Variants in NOTCH1 observed in about 807,000 individuals in gnomAD.
NOTCH1 encodes the protein neurogenic locus notch homolog protein 1.
A neutral mutation model predicts 254.8 loss-of-function variants in NOTCH1; 37 were observed. That is an observed-to-expected ratio of 0.15 (90% CI 0.11 to 0.19). The LOEUF is 0.19. Among genes scored for constraint, NOTCH1 ranks in the 10% least tolerant of loss-of-function variants. The pLI is 1.00. For synonymous variants in NOTCH1, 1,731 were observed against 1,618.1 expected, an observed-to-expected ratio of 1.07 and a Z score of -1.68; for missense variants, 2,972 against 3,708.6, an observed-to-expected ratio of 0.80 and a Z score of 5.16.
rs375091696 is a variant in NOTCH1 at position 136,505,035 on chromosome 9, C to T, written c.4656G>A (p.Ala1552=). The T allele has an allele frequency of 4.8e-5, 78 of 1,609,618 alleles. No homozygotes were observed. The East Asian group carries it at 4.9e-4, about 10-fold the overall frequency. ...DGHCDQGCNS[A]ECEWDGLDCA... ...AGTCCAGCCCGTCCCACTCGCACTCCGCGCTGTTGCAGCCCTGGTCGCAGT... is the reference window on the plus strand; with the variant it reads ...AGTCCAGCCCGTCCCACTCGCACTCTGCGCTGTTGCAGCCCTGGTCGCAGT... The change falls in exon 26 of 34, where the codon GCG becomes GCA. Residue 1552 remains alanine, a synonymous_variant. Coordinates refer to ENST00000651671, the MANE Select transcript of NOTCH1 (RefSeq NM_017617.5).
rs2133317690 is a variant in NOTCH1, at chr9:136,497,099, C to T, written c.6640G>A (p.Ala2214Thr). 1 of 1,610,394 alleles carries T rather than the reference C, an allele frequency of 6.2e-7. No homozygotes were observed. The stretch of plus-strand genomic sequence containing the variant: ...GGGGAGGGCAGCAGTGGCGGCGAGG[C>T]CACGTCTGACAGGTAGCCATGGGGT... ...ESPHGYLSDV[A>T]SPPLLPSPFQ... is the part of the protein sequence containing the mutation. The change falls in exon 34 of 34, where the codon GCC (alanine) becomes ACC (threonine). Residue 2214 changes from alanine to threonine, a missense_variant. By Grantham distance (58) the Ala-to-Thr change is moderately conservative (BLOSUM62 0). Around this residue, in one of 8 missense-constraint regions of NOTCH1, gnomAD observed 529 missense variants for 529.2 expected, o/e 1.00. Transcript: ENST00000651671.
intron 10 of NOTCH1, 111 bp downstream of exon 10, chr9:136,515,870 C>G (rs1025012653): frequency 6.1e-6 from 7 of 1,151,992 alleles, no homozygotes; most frequent in Non-Finnish European, 8.8e-6. Flanking sequence ...GTGCTCTCGG[C>G]CTCTGGACCA....
rs2133379689 is a variant in NOTCH1, at chr9:136,523,927, T to C, written c.193A>G (p.Ser65Gly). 1 of 1,592,480 alleles carries C rather than the reference T, an allele frequency of 6.3e-7. No homozygotes were observed. Among genetic ancestry groups the C allele is most frequent in the Admixed American group, 1.8e-5 (1 of 56,610 alleles). The change falls in exon 3 of 34, where the codon AGC (serine) becomes GGC (glycine). Residue 65 changes from serine (S) to glycine (G), a missense_variant. Coordinates refer to ENST00000651671, the MANE Select transcript of NOTCH1 (RefSeq NM_017617.5). ...PRCQDPNPCL[S>G]TPCKNAGTCH... ...GTCCCGGCGTTCTTGCAGGGGGTGC[T>C]GAGGCACGGGTTGGGGTCCTGGCAT...
Position 136,497,330 on chromosome 9 carries a change from G to T in NOTCH1, c.6409C>A (p.Pro2137Thr). The stretch of plus-strand genomic sequence containing the variant: ...TAGCCGTTGGGCGAGCAGAGCGGGG[G>T]CGACAGGGTGGGCGTGCCCCCCAGC... ...APLGGTPTLS[P>T]PLCSPNGYLG... is the part of the protein sequence containing the mutation. The change falls in exon 34 of 34, where the codon CCC becomes ACC. Residue 2137 changes from proline (P) to threonine (T), a missense_variant. Transcript: ENST00000651671. The T allele has an allele frequency of 6.2e-7, 1 of 1,606,266 alleles. No homozygotes were observed.
At position 136,506,495 on chromosome 9, in the gene NOTCH1, G is replaced by A. The variant is rs373164044; in HGVS notation, c.4014+32C>T. The stretch of plus-strand genomic sequence containing the variant: ...GACCTCTCCAGGTGTCTCCCCTGGC[G>A]GGCCCCTGCCTCCCTGCACCCCTGC... On this transcript the variant is annotated intron_variant, in intron 24 of 33. Transcript: ENST00000651671. The surrounding 1 kb of genome is among the most constrained non-coding windows in gnomAD (Gnocchi z 4.5). The A allele has an allele frequency of 1.8e-5, 28 of 1,546,774 alleles. No individual in the cohort carries two copies. The highest frequency in any genetic ancestry group is 2.4e-5 in the South Asian group (2 of 84,300).
At position 136,504,849 on chromosome 9, in the gene NOTCH1, C is replaced by A. The variant is rs1454349143; in HGVS notation, c.4842G>T (p.Gln1614His). Residue 1614 changes from glutamine to histidine, a missense_variant, in exon 26 of 34, where the codon CAG (glutamine) becomes CAT (histidine). Physicochemically the swap from Gln to His is conservative, Grantham distance 24. Around this residue, in one of 8 missense-constraint regions of NOTCH1, gnomAD observed 1,343 missense variants for 1,557.0 expected, o/e 0.86. Coordinates refer to ENST00000651671, the MANE Select transcript of NOTCH1 (RefSeq NM_017617.5). ...VVFKRDAHGQ[Q>H]MIFPYYGREE... ...CGCGGCCGTAGTAGGGGAAGATCAT[C>A]TGCTGGCCGTGTGCGTCACGCTTGA... 6.3e-7 allele frequency: 1 copy of A among 1,581,008 alleles called. No individual in the cohort carries two copies. The highest frequency in any genetic ancestry group is 1.8e-5 in the Admixed American group (1 of 54,792).
At position 136,513,635 on chromosome 9, in the gene NOTCH1, G is replaced by T; in HGVS notation, c.2208-98C>A. 1.4e-6 allele frequency: 2 copies of T among 1,391,458 alleles called. No individual in the cohort carries two copies. The highest frequency in any genetic ancestry group is 2.0e-6 in the Non-Finnish European group (2 of 1,002,284). The allele number at this position is 1,391,458 out of a possible 1,614,324, so 86.2% of individuals were successfully genotyped here. A position where few individuals can be genotyped will look rare whatever the true frequency, so the allele number is the denominator to read the frequency against. ...TGCAATGCCCTATGGGCTGGCGGAG[G>T]TGCCCATCCACTCAGACTCGCAGAG... is the stretch of plus-strand genomic sequence containing the variant. On this transcript the variant is annotated intron_variant, in intron 13 of 33. Transcript: ENST00000651671. The surrounding 1 kb of genome is among the most constrained non-coding windows in gnomAD (Gnocchi z 4.7).
intron 29 of NOTCH1, 32 bp from the exon 30 acceptor site, chr9:136,501,945 G>T: frequency 6.2e-7 from 1 of 1,611,426 alleles, no homozygotes; most frequent in Admixed American, 1.7e-5. Flanking sequence ...AGCCTGTCAG[G>T]GCAGCCCGGC....
intron 2 of NOTCH1, among the ~76,000 whole-genome samples, chr9:136,526,443 C>A (rs887199248): frequency 3.3e-5 from 5 of 152,234 alleles, no homozygotes; most frequent in Admixed American, 6.5e-5. Context: ...CTGGCCCATG[C>A]AAGCTGGTCC....
rs992614355 is a variant in NOTCH1, at chr9:136,498,902, G to C, written c.6177C>G (p.Asn2059Lys). 4 of 1,613,604 alleles carry C rather than the reference G, an allele frequency of 2.5e-6. No individual in the cohort carries two copies. Among genetic ancestry groups the C allele is most frequent in the Non-Finnish European group, 1.7e-6 (2 of 1,179,970 alleles). Residue 2059 changes from asparagine (N) to lysine (K), a missense_variant, in exon 33 of 34, where the codon AAC becomes AAG. Asn to Lys is a moderately conservative substitution (Grantham distance 94). Around this residue, in one of 8 missense-constraint regions of NOTCH1, gnomAD observed 421 missense variants for 604.4 expected, o/e 0.70. Coordinates refer to ENST00000651671, the MANE Select transcript of NOTCH1 (RefSeq NM_017617.5). ...GGCATCCCAGCCTCGCGCTCACCCT[G>C]TTGTTCTGCATATCTTTGTTAGCCC... ...KNGANKDMQN[N>K]REETPLFLAA... is the part of the protein sequence containing the mutation.
chr9:136,532,703 A>G (rs1843581370), intron 2 of NOTCH1, among the ~76,000 whole-genome samples: 1 of 152,228 alleles, frequency 6.6e-6, no homozygotes, highest in Admixed American at 6.5e-5. Context: ...CCTGGGGGAC[A>G]CTTCATGGCC....
intron 19 of NOTCH1, 88 bp downstream of exon 19, chr9:136,508,781 TG>T: frequency 7.8e-7 from 1 of 1,274,466 alleles, no homozygotes. Flanking sequence ...GCCGACACAG[TG>T]GGACCTGGGG....
At chr9:136,512,289 G>A (rs572305800) in intron 15 of NOTCH1, among the ~76,000 whole-genome samples, 16 of 152,322 alleles carry the variant, frequency 1.1e-4, no homozygotes, top group African/African-American at 3.8e-4. Flanking sequence ...GATGTCATGG[G>A]AACCGCAGGC....
At position 136,496,891 on chromosome 9, in the gene NOTCH1, C is replaced by T. The variant is rs2133317044; in HGVS notation, c.6848G>A (p.Ser2283Asn). 1 of 1,612,856 alleles carries T rather than the reference C, an allele frequency of 6.2e-7. No homozygotes were observed. Among genetic ancestry groups the T allele is most frequent in the East Asian group, 2.2e-5 (1 of 44,880 alleles). Reference sequence around the variant, plus strand: ...TCCGCTGCTGGAGCCCAGGACGGTGCTGGTGCCAGAGGCCACAGGCAGGTG... The same window carrying T: ...TCCGCTGCTGGAGCCCAGGACGGTGTTGGTGCCAGAGGCCACAGGCAGGTG... ...LSHLPVASGT[S>N]TVLGSSSGGA... The change falls in exon 34 of 34, where the codon AGC becomes AAC. Residue 2283 changes from serine (S) to asparagine (N), a missense_variant. By Grantham distance (46) the Ser-to-Asn change is conservative. Coordinates refer to ENST00000651671, the MANE Select transcript of NOTCH1 (RefSeq NM_017617.5).
At position 136,499,472 on chromosome 9, in the gene NOTCH1, C is replaced by A. The variant is rs3812598; in HGVS notation, c.5935-213G>T. On this transcript the variant is annotated intron_variant, in intron 31 of 33. Coordinates refer to ENST00000651671, the MANE Select transcript of NOTCH1 (RefSeq NM_017617.5). ...AGGGGCTGTGCTGCCCACAGACAGG[C>A]CCCTTGGTGACAGTGGGATCCATCG... is the stretch of plus-strand genomic sequence containing the variant. Among the ~76,000 whole-genome samples the A allele has an allele frequency of 7.0e-4, 106 of 152,346 alleles. 1 individual carries two copies. The East Asian group carries it at 0.018, about 26-fold the overall frequency.
intron 27 of NOTCH1, 40 bp from the exon 28 acceptor site, chr9:136,502,528 G>A (rs975189301): frequency 7.2e-6 from 10 of 1,395,246 alleles, no homozygotes; most frequent in Non-Finnish European, 7.6e-6. Flanking sequence ...CCGGACATCA[G>A]GCAGCGGCTA....
At chr9:136,523,570 A>G in intron 3 of NOTCH1, 147 bp downstream of exon 3, 1 of 1,010,538 alleles carries the variant, frequency 9.9e-7, no homozygotes, top group Non-Finnish European at 1.4e-6. Flanking sequence ...CAGGTCTGGG[A>G]GGGGGGCAGG....
rs929085530 is a variant in NOTCH1 at position 136,495,393 on chromosome 9, C to T, written c.*678G>A. On this transcript the variant is annotated 3_prime_UTR_variant, in exon 34 of 34. Transcript: ENST00000651671. ...GGGTGCACTCTTGGCATACACACTC[C>T]GAGAACACATTTTCACAAGCATGCT... 12 of 398,884 alleles carry T rather than the reference C, an allele frequency of 3.0e-5. No homozygotes were observed. The highest frequency in any genetic ancestry group is 1.9e-4 in the African/African-American group (9 of 48,644). The allele number at this position is 398,884 out of a possible 1,614,324, so 24.7% of individuals were successfully genotyped here. A position where few individuals can be genotyped will look rare whatever the true frequency, so the allele number is the denominator to read the frequency against.
chr9:136,504,905 G>T lies in NOTCH1; in HGVS notation c.4786C>A (p.Leu1596Ile), dbSNP rs1284534643. The change falls in exon 26 of 34, where the codon CTC (leucine) becomes ATC (isoleucine). Residue 1596 changes from leucine to isoleucine, a missense_variant. Coordinates refer to ENST00000651671, the MANE Select transcript of NOTCH1 (RefSeq NM_017617.5). ...ACGTTGGTGTGCAGCACGCGGCTGA[G>T]CTCCCGCAGGAAGTGGAAGGAGCTG... ...RNSSFHFLRELSRVLHTNVVF... is the reference protein window; with the variant it reads ...RNSSFHFLREISRVLHTNVVF... The T allele has an allele frequency of 6.3e-7, 1 of 1,586,176 alleles. No individual in the cohort carries two copies. Among genetic ancestry groups the T allele is most frequent in the Non-Finnish European group, 8.6e-7 (1 of 1,167,038 alleles).
Sources: allele counts gnomAD v4.1 joint callset (sites outside exome capture counted in the v4.1 genomes callset), GRCh38; gene constraint gnomAD v4.1.1; regional missense constraint gnomAD v4.1.1; non-coding constraint Gnocchi (gnomAD v3.1); transcripts MANE v1.5; gene names NCBI Gene and HGNC (gene_info 2026-07-23, HGNC 2026-07-21).